The following ZNF385D variants were observed in gnomAD, a reference collection of about 807,000 sequenced individuals.
ZNF385D encodes zinc finger protein 385D.
A neutral mutation model predicts 35.8 loss-of-function variants in ZNF385D; 15 were observed. That is an observed-to-expected ratio of 0.42 (90% CI 0.28 to 0.64). The LOEUF (loss-of-function observed/expected upper bound fraction) is 0.64, where lower values mean the gene tolerates loss of function less well. ZNF385D is among the 30% of genes least tolerant of loss of function. ZNF385D has a pLI of 0.23. For synonymous variants in ZNF385D, 212 were observed against 186.8 expected (o/e 1.13, Z -1.10); for missense variants, 474 against 494.6 (o/e 0.96, Z 0.39).
In ZNF385D at chr3:22,303,935, G is replaced by A. The variant is rs143854598; in HGVS notation, c.106+68515C>T. Among the ~76,000 whole-genome samples, 56 of 152,096 alleles carry A rather than the reference G, an allele frequency of 3.7e-4. No individual in the cohort carries two copies. The East Asian group carries it at 7.8e-3, about 21-fold the overall frequency. ...TGGGATTATAGGCATGTGCCACCAC[G>A]CCCGGCTAATTTTTGTATTTTTAGT... is the stretch of plus-strand genomic sequence containing the variant. On this transcript the variant is annotated intron_variant, in intron 2 of 5. Coordinates refer to the ZNF385D transcript ENST00000494108.
intron 2 of ZNF385D, among the ~76,000 whole-genome samples, chr3:22,304,384 T>C (rs1324588672): frequency 1.3e-5 from 2 of 152,228 alleles, no homozygotes; most frequent in Non-Finnish European, 2.9e-5. Flanking sequence ...CTATGTATTT[T>C]AGCAGATATT....
At chr3:21,718,150 A>C (rs1325965221) in intron 1 of ZNF385D, among the ~76,000 whole-genome samples, 1 of 152,224 alleles carries the variant, frequency 6.6e-6, no homozygotes, top group Non-Finnish European at 1.5e-5. Context: ...TGTCTCCCAC[A>C]AATGAATCTA....
chr3:21,547,217 C>T (rs1204050279), intron 3 of ZNF385D, among the ~76,000 whole-genome samples: 1 of 152,142 alleles, frequency 6.6e-6, no homozygotes, highest in Non-Finnish European at 1.5e-5. Flanking sequence ...AACCCTTAAA[C>T]TGGTTGGTTT....
chr3:22,012,304 A>C (rs774989612), intron 3 of ZNF385D, among the ~76,000 whole-genome samples: 1 of 152,196 alleles, frequency 6.6e-6, no homozygotes, highest in Non-Finnish European at 1.5e-5. Context: ...TTATTCAAGT[A>C]TGGAGTCTAC....
chr3:21,954,940 C>T (rs527579538), intron 3 of ZNF385D, among the ~76,000 whole-genome samples: 1 of 152,214 alleles, frequency 6.6e-6, no homozygotes, highest in Non-Finnish European at 1.5e-5. Context: ...AAGCAAGCAG[C>T]CTGCAAGGCT....
intron 2 of ZNF385D, among the ~76,000 whole-genome samples, chr3:21,616,603 C>T (rs563265554): frequency 1.4e-4 from 22 of 152,266 alleles, no homozygotes; most frequent in African/African-American, 5.1e-4. Flanking sequence ...CTAGCCTTTA[C>T]ATTTAACTAG....
intron 2 of ZNF385D, among the ~76,000 whole-genome samples, chr3:22,236,452 C>A (rs1221657773): frequency 2.6e-5 from 4 of 152,086 alleles, no homozygotes; most frequent in Non-Finnish European, 5.9e-5. Context: ...CCATCTAAGC[C>A]TCCCAAGTCA....
intron 2 of ZNF385D, among the ~76,000 whole-genome samples, chr3:21,616,155 T>C (rs1473961875): frequency 2.0e-5 from 3 of 152,012 alleles, no homozygotes; most frequent in Non-Finnish European, 4.4e-5. Flanking sequence ...GAATTAAAAA[T>C]GAAAACCAGT....
intron 2 of ZNF385D, among the ~76,000 whole-genome samples, chr3:21,600,843 G>A (rs2064265772): frequency 6.6e-6 from 1 of 151,358 alleles, no homozygotes; most frequent in African/African-American, 2.4e-5. Flanking sequence ...ATAAAAATAG[G>A]TTTTAAAGAT....
chr3:21,568,340 GACAC>G (rs1308004308), intron 2 of ZNF385D, among the ~76,000 whole-genome samples: 1 of 151,956 alleles, frequency 6.6e-6, no homozygotes, highest in African/African-American at 2.4e-5. Flanking sequence ...CAAATCAGGG[GACAC>G]ACACACAGAT....
chr3:21,772,298 G>A (rs1170151004), intron 3 of ZNF385D, among the ~76,000 whole-genome samples: 1 of 151,830 alleles, frequency 6.6e-6, no homozygotes, highest in East Asian at 1.9e-4. Context: ...GCAATTCACA[G>A]AATGGAAGAC....
At chr3:22,105,498 C>T (rs1702160609) in intron 3 of ZNF385D, among the ~76,000 whole-genome samples, 1 of 152,038 alleles carries the variant, frequency 6.6e-6, no homozygotes, top group Admixed American at 6.6e-5. Context: ...ATTACGGAGG[C>T]TGAGAAGTCC....
At chr3:22,154,360 T>G (rs1327774434) in intron 3 of ZNF385D, among the ~76,000 whole-genome samples, 1 of 152,106 alleles carries the variant, frequency 6.6e-6, no homozygotes, top group Non-Finnish European at 1.5e-5. Context: ...GTCTAGAAGG[T>G]GGGGTTTTCT....
intron 2 of ZNF385D, among the ~76,000 whole-genome samples, chr3:22,206,604 A>C (rs1697172901): frequency 6.6e-6 from 1 of 152,024 alleles, no homozygotes; most frequent in African/African-American, 2.4e-5. Flanking sequence ...GAATAAAACT[A>C]GAAATCAATA....
intron 3 of ZNF385D, among the ~76,000 whole-genome samples, chr3:21,778,810 C>T (rs2071388250): frequency 6.6e-6 from 1 of 151,772 alleles, no homozygotes; most frequent in Non-Finnish European, 1.5e-5. Flanking sequence ...TGATAAACAG[C>T]CACAAACTCA....
intron 2 of ZNF385D, among the ~76,000 whole-genome samples, chr3:22,250,815 A>G (rs1345304959): frequency 3.3e-5 from 5 of 152,030 alleles, no homozygotes; most frequent in African/African-American, 1.2e-4. Context: ...TTTAGAGTGA[A>G]TCTGTGGGTA....
At chr3:22,224,366 T>C (rs1698434656) in intron 2 of ZNF385D, among the ~76,000 whole-genome samples, 1 of 152,152 alleles carries the variant, frequency 6.6e-6, no homozygotes, top group African/African-American at 2.4e-5. Flanking sequence ...TGGATGAGTG[T>C]TGTAAATATC....
At chr3:22,077,701 G>C (rs772582052) in intron 3 of ZNF385D, among the ~76,000 whole-genome samples, 1 of 151,856 alleles carries the variant, frequency 6.6e-6, no homozygotes, top group Non-Finnish European at 1.5e-5. Context: ...GATGCTTCTC[G>C]GCAGATGTTT....
At chr3:21,664,721 G>T (rs1212560352) in intron 2 of ZNF385D, among the ~76,000 whole-genome samples, 165 bp downstream of exon 2, 1 of 152,052 alleles carries the variant, frequency 6.6e-6, no homozygotes, top group East Asian at 1.9e-4. Flanking sequence ...CTGGTTCTGG[G>T]GATTTTGCCT....
Sources: gnomAD v4.1 joint callset for allele counts (sites outside exome capture counted in the v4.1 genomes callset) on GRCh38, gnomAD v4.1.1 for gene constraint, MANE v1.5 for transcripts, NCBI Gene and HGNC (gene_info 2026-07-23, HGNC 2026-07-21) for gene names.